CNOT1: variants seen among roughly 807,000 people sequenced by gnomAD.
CNOT1 encodes the protein CCR4-NOT transcription complex subunit 1, also known as CCR4-associated factor 1.
In CNOT1, 15 loss-of-function variants were observed where a neutral mutation model predicts 273.8. The observed-to-expected ratio is 0.05, with a 90% confidence interval of 0.04 to 0.08. CNOT1 has a LOEUF of 0.08. CNOT1 is among the 10% of genes least tolerant of loss of function. The pLI, the probability that CNOT1 is intolerant of heterozygous loss-of-function variation, is 1.00. For synonymous variants in CNOT1, 1,022 were observed against 1,005.5 expected, an observed-to-expected ratio of 1.02 and a Z score of -0.31; for missense variants, 1,644 against 2,912.2, an observed-to-expected ratio of 0.56 and a Z score of 10.02.
intron 30 of CNOT1, among the ~76,000 whole-genome samples, chr16:58,544,982 C>A (rs1459869359): frequency 6.6e-6 from 1 of 152,154 alleles, no homozygotes; most frequent in Non-Finnish European, 1.5e-5. Flanking sequence ...TCATTTCCAG[C>A]CTTCAGGTGG....
chr16:58,520,720 G>C lies in CNOT1; in HGVS notation c.*238C>G, dbSNP rs2039339795. 3.7e-6 allele frequency: 2 copies of C among 543,394 alleles called. No homozygotes were observed. The highest frequency in any genetic ancestry group is 4.6e-5 in the South Asian group (2 of 43,852). 33.7% of individuals were successfully genotyped at this position (543,394 alleles called of 1,614,324 possible). A position where few individuals can be genotyped will look rare whatever the true frequency, so the allele number is the denominator to read the frequency against. On this transcript the variant is annotated 3_prime_UTR_variant, in exon 49 of 49. Transcript: ENST00000317147. Reference sequence around the variant, plus strand: ...TTTTCTCTTTCATGTATTTACACAAGTTCAAAATGATATTCACAGCATCTT... The same window carrying C: ...TTTTCTCTTTCATGTATTTACACAACTTCAAAATGATATTCACAGCATCTT...
rs559186960 is a variant in CNOT1 at position 58,522,491 on chromosome 16, T to G, written c.6917+879A>C. Among the ~76,000 whole-genome samples, 7 of 119,008 alleles carry G rather than the reference T, an allele frequency of 5.9e-5. No homozygotes were observed. In the Admixed American group the frequency reaches 6.2e-4, roughly 11 times the overall value. The allele number at this position is 119,008 out of a possible 152,430, so 78.1% of individuals were successfully genotyped here. A position where few individuals can be genotyped will look rare whatever the true frequency, so the allele number is the denominator to read the frequency against. ...GTACACAAATCAAAGGAATACCATA[T>G]TTAGCACCATAGGTGACTAATTAGG... On this transcript the variant is annotated intron_variant, in intron 47 of 48. Transcript: ENST00000317147.
intron 11 of CNOT1, 72 bp downstream of exon 11, chr16:58,581,272 TG>T: frequency 6.8e-7 from 1 of 1,472,142 alleles, no homozygotes; most frequent in South Asian, 1.4e-5. Context: ...TTTCGATCAA[TG>T]GGTAGATGGC....
chr16:58,526,842 G>T (rs1336883720), intron 44 of CNOT1, among the ~76,000 whole-genome samples: 2 of 141,832 alleles, frequency 1.4e-5, no homozygotes, highest in African/African-American at 5.4e-5. Context: ...AAAAAAAAAT[G>T]CATGTGTCAG....
chr16:58,523,526 T>C (rs759864174), intron 46 of CNOT1, 24 bp from the exon 47 acceptor site: 2 of 1,612,076 alleles, frequency 1.2e-6, no homozygotes. Flanking sequence ...AACCTTGACT[T>C]AGGACTTAGT....
At chr16:58,546,872 G>A (rs2040272646) in intron 27 of CNOT1, 123 bp from the exon 28 acceptor site, 1 of 1,265,490 alleles carries the variant, frequency 7.9e-7, no homozygotes, top group South Asian at 1.4e-5. Flanking sequence ...CAAAAAACAA[G>A]GATTAAAAAA....
At position 58,597,536 on chromosome 16, in the gene CNOT1, C is replaced by G. The variant is rs144536349; in HGVS notation, c.102+1700G>C. On this transcript the variant is annotated intron_variant, in intron 2 of 48. Transcript: ENST00000317147. ...AAACACTGCACCACCCTCCTCAACA[C>G]AAAAAAAAGTTGAGAATGAATGTAA... 448 of 260,346 alleles carry G rather than the reference C, an allele frequency of 1.7e-3. 2 individuals are homozygous for G. The highest frequency in any genetic ancestry group is 8.9e-3 in the South Asian group (223 of 24,966). 16.1% of individuals were successfully genotyped at this position (260,346 alleles called of 1,614,324 possible).
chr16:58,581,372 A>G lies in CNOT1; in HGVS notation c.1188T>C (p.Tyr396=). 6.2e-7 allele frequency: 1 copy of G among 1,613,002 alleles called. No individual in the cohort carries two copies. Among genetic ancestry groups the G allele is most frequent in the Non-Finnish European group, 8.5e-7 (1 of 1,179,670 alleles). The change falls in exon 11 of 49, where the codon TAT becomes TAC. Residue 396 remains tyrosine (Y), a synonymous_variant. Transcript: ENST00000317147. The part of the protein sequence containing the change: ...GMEVFPVDLI[Y]RPWKHAEGQL... The stretch of plus-strand genomic sequence containing the variant: ...GGCCTTCAGCATGTTTCCAAGGTCT[A>G]TATATGAGGTCTACTGGGAACACTT...
chr16:58,602,383 CATGGCTTAAAA>C (rs2042497950), intron 1 of CNOT1, among the ~76,000 whole-genome samples: 1 of 151,840 alleles, frequency 6.6e-6, no homozygotes, highest in Non-Finnish European at 1.5e-5. Context: ...CTAACAGTCT[CATGGCTTAAAA>C]AACCATCTGT....
intron 11 of CNOT1, 79 bp downstream of exon 11, chr16:58,581,266 G>C (rs898029698): frequency 2.8e-6 from 4 of 1,447,812 alleles, no homozygotes; most frequent in South Asian, 1.5e-5. Context: ...AGAATATTTC[G>C]ATCAATGGGT....
intron 10 of CNOT1, 37 bp downstream of exon 10, chr16:58,582,756 A>G (rs762566553): frequency 8.4e-7 from 1 of 1,185,646 alleles, no homozygotes. Flanking sequence ...TATCATTCAA[A>G]TACCACAAAT....
Position 58,538,753 on chromosome 16 carries a change from T to G in CNOT1, c.5135+19A>C. The G allele has an allele frequency of 6.2e-7, 1 of 1,610,344 alleles. No homozygotes were observed. Among genetic ancestry groups the G allele is most frequent in the Non-Finnish European group, 8.5e-7 (1 of 1,179,902 alleles). On this transcript the variant is annotated intron_variant, in intron 36 of 48. Coordinates refer to ENST00000317147, the MANE Select transcript of CNOT1 (RefSeq NM_016284.5). ...AGTCGCAGTCCAATACTCACTACTTTTCGAAGATGGCTACTGACCTTGTGA... is the reference window on the plus strand; with the variant it reads ...AGTCGCAGTCCAATACTCACTACTTGTCGAAGATGGCTACTGACCTTGTGA...
chr16:58,611,989 G>A (rs2042918674), intron 1 of CNOT1, among the ~76,000 whole-genome samples: 1 of 151,942 alleles, frequency 6.6e-6, no homozygotes, highest in East Asian at 1.9e-4. Flanking sequence ...TTAACAGAAG[G>A]GGTCTTGCTC....
chr16:58,586,846 T>A, intron 6 of CNOT1, 98 bp from the exon 7 acceptor site: 2 of 1,295,018 alleles, frequency 1.5e-6, no homozygotes, highest in Non-Finnish European at 2.2e-6. Flanking sequence ...CCCTTCTCAT[T>A]CACCAGTTCA....
chr16:58,545,235 C>T, intron 30 of CNOT1, 126 bp downstream of exon 30: 1 of 1,449,800 alleles, frequency 6.9e-7, no homozygotes, highest in Non-Finnish European at 9.3e-7. Context: ...AGATCTCCAT[C>T]CTCTCTGACA....
chr16:58,608,791 G>A (rs1022329906), intron 1 of CNOT1, among the ~76,000 whole-genome samples: 1 of 152,132 alleles, frequency 6.6e-6, no homozygotes, highest in Non-Finnish European at 1.5e-5. Flanking sequence ...GCCATAAAAA[G>A]GAATGAATTA....
Position 58,543,694 on chromosome 16 carries a change from T to C in CNOT1, c.4347A>G (p.Thr1449=). The C allele has an allele frequency of 6.2e-7, 1 of 1,614,202 alleles. No individual in the cohort carries two copies. The highest frequency in any genetic ancestry group is 8.5e-7 in the Non-Finnish European group (1 of 1,180,028). Reference sequence around the variant, plus strand: ...TGCATGTAATCATAGCCATTCCAGCTGTCAAGTTACGCATCATGTGATGAG... The same window carrying C: ...TGCATGTAATCATAGCCATTCCAGCCGTCAAGTTACGCATCATGTGATGAG... ...IAAHHMMRNL[T]AGMAMITCRE... is the part of the protein sequence containing the mutation. Residue 1449 remains threonine, a synonymous_variant, in exon 31 of 49, where the codon ACA becomes ACG. Transcript: ENST00000317147.
At position 58,557,070 on chromosome 16, in the gene CNOT1, TAA is replaced by T. The variant is rs2040655557; in HGVS notation, c.2333-79_2333-78del. 23 of 1,502,212 alleles carry T rather than the reference TAA, an allele frequency of 1.5e-5. No homozygotes were observed. The South Asian group carries it at 2.2e-4, about 14-fold the overall frequency. The allele number at this position is 1,502,212 out of a possible 1,614,324, so 93.1% of individuals were successfully genotyped here. ...TTTATTCACATCTCAGATATATTAA[TAA>T]GACAGACTTTTAAAATAAAGTCATA... On this transcript the variant is annotated intron_variant, in intron 18 of 48. Transcript: ENST00000317147.
Position 58,543,914 on chromosome 16 carries a change from G to A in CNOT1, c.4138-11C>T. ...CTGAAACAAGGGAATCTGGGGGGTTGGGGAGGACAAAGTCAACACCTTGTT... is the reference window on the plus strand; with the variant it reads ...CTGAAACAAGGGAATCTGGGGGGTTAGGGAGGACAAAGTCAACACCTTGTT... On this transcript the variant is annotated splice_polypyrimidine_tract_variant and intron_variant, in intron 30 of 48. Transcript: ENST00000317147. 1.9e-6 allele frequency: 3 copies of A among 1,587,866 alleles called. No homozygotes were observed. The highest frequency in any genetic ancestry group is 1.7e-6 in the Non-Finnish European group (2 of 1,164,762).
Sources: gnomAD v4.1 joint callset for allele counts (sites outside exome capture counted in the v4.1 genomes callset) on GRCh38, gnomAD v4.1.1 for gene constraint, MANE v1.5 for transcripts, NCBI Gene and HGNC (gene_info 2026-07-23, HGNC 2026-07-21) for gene names.